The following CHRM2 variants were observed in gnomAD, a reference collection of about 807,000 sequenced individuals.
CHRM2 encodes the protein cholinergic receptor muscarinic 2, also known as muscarinic acetylcholine receptor M2.
A neutral mutation model predicts 25.0 loss-of-function variants in CHRM2; 8 were observed. The observed-to-expected ratio is 0.32, with a 90% CI of 0.19 to 0.58. The LOEUF is 0.58. Ranked by LOEUF, CHRM2 falls within the 20% of genes least tolerant of loss-of-function variation. The pLI, the probability that CHRM2 is intolerant of heterozygous loss-of-function variation, is 0.88. For missense variants in CHRM2, 440 were observed against 567.1 expected, an observed-to-expected ratio of 0.78 and a Z score of 2.28; for synonymous variants, 202 against 205.7, an observed-to-expected ratio of 0.98 and a Z score of 0.15.
intron 2 of CHRM2, among the ~76,000 whole-genome samples, chr7:136,982,290 T>G (rs546072650): frequency 1.3e-5 from 2 of 152,338 alleles, no homozygotes; most frequent in East Asian, 3.9e-4. Context: ...GCTTTTCATT[T>G]GCTTGGTAAA....
chr7:136,895,302 A>T (rs60530762), intron 2 of CHRM2, among the ~76,000 whole-genome samples: 2,103 of 152,306 alleles, frequency 0.014, 42 homozygotes, highest in African/African-American at 0.048. Context: ...CTATGTCCTA[A>T]CAACTTTGTA....
chr7:136,895,542 A>C (rs1292092905), intron 2 of CHRM2, among the ~76,000 whole-genome samples: 2 of 152,176 alleles, frequency 1.3e-5, no homozygotes, highest in Non-Finnish European at 2.9e-5. Context: ...GACTCAGTTT[A>C]TATTTCTTAG....
intron 2 of CHRM2, among the ~76,000 whole-genome samples, chr7:136,964,324 C>T (rs1445209895): frequency 1.3e-5 from 2 of 152,076 alleles, no homozygotes; most frequent in African/African-American, 4.8e-5. Flanking sequence ...AGCTTGTTCT[C>T]ATGCAGATAA....
chr7:136,903,337 A>T (rs113823370), intron 2 of CHRM2: 1 of 449,408 alleles, frequency 2.2e-6, no homozygotes, highest in Non-Finnish European at 4.5e-6. Context: ...TCTATAGTGT[A>T]TGTGCAAATC....
At chr7:136,985,115 C>G (rs548708419) in intron 2 of CHRM2, among the ~76,000 whole-genome samples, 28 of 152,170 alleles carry the variant, frequency 1.8e-4, no homozygotes, top group African/African-American at 6.7e-4. Context: ...AACCCTAATG[C>G]CAATGCTGCA....
chr7:136,908,694 C>T (rs1197966904), intron 2 of CHRM2, among the ~76,000 whole-genome samples: 1 of 151,900 alleles, frequency 6.6e-6, no homozygotes, highest in Non-Finnish European at 1.5e-5. Flanking sequence ...CAAGTCCATT[C>T]TGATTTTCAA....
At chr7:137,001,149 T>A (rs967757967) in intron 3 of CHRM2, among the ~76,000 whole-genome samples, 5 of 152,068 alleles carry the variant, frequency 3.3e-5, no homozygotes, top group African/African-American at 1.2e-4. Context: ...ACCCCACATC[T>A]TCATCCCTGC....
chr7:137,014,940 T>C lies in CHRM2; in HGVS notation c.75T>C (p.Phe25=), dbSNP rs1805073223. ...TSPYKTFEVV[F]IVLVAGSLSL... The stretch of plus-strand genomic sequence containing the variant: ...CTTATAAGACATTTGAAGTGGTGTT[T>C]ATTGTCCTGGTGGCTGGATCCCTCA... Residue 25 remains phenylalanine (F), a synonymous_variant, in exon 4 of 4, where the codon TTT becomes TTC. Coordinates refer to ENST00000680005, the MANE Select transcript of CHRM2 (RefSeq NM_001006630.2). 6.2e-7 allele frequency: 1 copy of C among 1,613,346 alleles called. No homozygotes were observed. Among genetic ancestry groups the C allele is most frequent in the East Asian group, 2.2e-5 (1 of 44,762 alleles).
intron 2 of CHRM2, among the ~76,000 whole-genome samples, chr7:136,987,647 G>T (rs1196023515): frequency 1.3e-5 from 2 of 152,294 alleles, no homozygotes; most frequent in Non-Finnish European, 2.9e-5. Context: ...AATGGATCAG[G>T]GTAGGGCAAA....
chr7:136,993,912 A>T (rs1242123807), intron 3 of CHRM2, among the ~76,000 whole-genome samples: 1 of 152,216 alleles, frequency 6.6e-6, no homozygotes, highest in Non-Finnish European at 1.5e-5. Context: ...TCTTAAAAAA[A>T]TCCAGCCAAT....
intron 2 of CHRM2, among the ~76,000 whole-genome samples, chr7:136,966,656 AT>A (rs1320547979): frequency 2.0e-5 from 3 of 151,742 alleles, no homozygotes; most frequent in Non-Finnish European, 2.9e-5. Context: ...TTACTTAAAA[AT>A]ATCTGTGTTT....
At chr7:136,906,895 C>T (rs115175691) in intron 2 of CHRM2, 3,024 of 151,216 alleles carry the variant, frequency 0.02, 95 homozygotes, top group African/African-American at 0.069. Flanking sequence ...AATGAAATAA[C>T]TATAAAACTC....
At chr7:136,903,176 T>G (rs749395927) in intron 2 of CHRM2, 1 of 534,234 alleles carries the variant, frequency 1.9e-6, no homozygotes, top group Non-Finnish European at 3.8e-6. Flanking sequence ...ATGGAGGCCT[T>G]GCTGGTTTGG....
At chr7:136,975,412 A>AG in intron 2 of CHRM2, among the ~76,000 whole-genome samples, 1 of 152,198 alleles carries the variant, frequency 6.6e-6, no homozygotes, top group East Asian at 1.9e-4. Context: ...TTTCTATCAC[A>AG]GGCCCCAGTA....
At chr7:136,965,137 A>T (rs555991626) in intron 2 of CHRM2, among the ~76,000 whole-genome samples, 1 of 152,270 alleles carries the variant, frequency 6.6e-6, no homozygotes, top group Non-Finnish European at 1.5e-5. Context: ...ATTATGATAA[A>T]ATAATAGAGA....
At chr7:136,910,233 T>C (rs1031317340) in intron 2 of CHRM2, among the ~76,000 whole-genome samples, 1 of 151,946 alleles carries the variant, frequency 6.6e-6, no homozygotes, top group Admixed American at 6.6e-5. Flanking sequence ...TAAAGTGTTA[T>C]TACTTGATAA....
chr7:137,013,380 C>A lies in CHRM2; in HGVS notation c.-46-1440C>A, dbSNP rs1804953443. ...AAATGTTATTTGTGTTATGAAGTTG[C>A]TTACCAAATTATTTTCTACATGGAT... On this transcript the variant is annotated intron_variant, in intron 3 of 3. Transcript: ENST00000680005. Among the ~76,000 whole-genome samples the A allele has an allele frequency of 2.6e-5, 4 of 152,014 alleles. No homozygotes were observed. The South Asian group carries it at 8.3e-4, about 32-fold the overall frequency.
chr7:136,916,482 A>G (rs989714060), intron 2 of CHRM2, among the ~76,000 whole-genome samples: 2 of 151,658 alleles, frequency 1.3e-5, no homozygotes, highest in Non-Finnish European at 2.9e-5. Context: ...ACTTAATTTA[A>G]TTGAAAATTA....
At chr7:136,879,059 A>G (rs1796157915) in intron 2 of CHRM2, among the ~76,000 whole-genome samples, 1 of 151,920 alleles carries the variant, frequency 6.6e-6, no homozygotes, top group Non-Finnish European at 1.5e-5. Flanking sequence ...TCTCCTGGCA[A>G]CTAACCTCCT....
Sources: allele counts gnomAD v4.1 joint callset (sites outside exome capture counted in the v4.1 genomes callset), GRCh38; gene constraint gnomAD v4.1.1; transcripts MANE v1.5; gene names NCBI Gene and HGNC (gene_info 2026-07-23, HGNC 2026-07-21).